CYP46A1: variants seen among roughly 807,000 people sequenced by gnomAD.
CYP46A1 encodes the protein cytochrome P450 family 46 subfamily A member 1, also known as cholesterol 24-hydroxylase.
In CYP46A1, 20 loss-of-function variants were observed where a neutral mutation model predicts 63.3. That is an observed-to-expected ratio of 0.32 (90% CI 0.22 to 0.46). The LOEUF (loss-of-function observed/expected upper bound fraction) is 0.46, where lower values mean the gene tolerates loss of function less well. Among genes scored for constraint, CYP46A1 ranks in the 20% least tolerant of loss-of-function variants. CYP46A1 has a pLI of 1.00. For synonymous variants in CYP46A1, 268 were observed against 273.6 expected, an observed-to-expected ratio of 0.98 and a Z score of 0.20; for missense variants, 445 against 670.8, an observed-to-expected ratio of 0.66 and a Z score of 3.72.
At chr14:99,703,951 G>A (rs1566829608) in intron 5 of CYP46A1, 1 of 909,196 alleles carries the variant, frequency 1.1e-6, no homozygotes, top group Non-Finnish European at 1.3e-6. Context: ...CAAGAGCCAG[G>A]GTTGCAAAGG....
intron 4 of CYP46A1, 112 bp downstream of exon 4, chr14:99,699,651 T>C: frequency 1.7e-6 from 2 of 1,152,594 alleles, no homozygotes; most frequent in Non-Finnish European, 2.6e-6. Context: ...AGGCCCTGGC[T>C]GCCAGGCATG....
chr14:99,714,116 G>C (rs930709687), intron 7 of CYP46A1, among the ~76,000 whole-genome samples: 2 of 152,116 alleles, frequency 1.3e-5, no homozygotes, highest in African/African-American at 4.8e-5. Flanking sequence ...TGGCCAAGAG[G>C]TATATGAAAA....
intron 7 of CYP46A1, among the ~76,000 whole-genome samples, chr14:99,713,865 C>CAAAAA (rs71113218): frequency 1.7e-3 from 114 of 67,482 alleles, no homozygotes; most frequent in East Asian, 2.1e-3. Flanking sequence ...GACTCCATCT[C>CAAAAA]AAAAAAAAAA....
At position 99,691,125 on chromosome 14, in the gene CYP46A1, T is replaced by C. The variant is rs947030654; in HGVS notation, c.164T>C (p.Val55Ala). 16 of 1,614,198 alleles carry C rather than the reference T, an allele frequency of 9.9e-6. No homozygotes were observed. Among genetic ancestry groups the C allele is most frequent in the Non-Finnish European group, 1.4e-5 (16 of 1,180,030 alleles). ...HLPCFWKKDE[V>A]GGRVLQDVFL... ...CCCTGCTTTTGGAAAAAGGATGAGG[T>C]TGGTGGCCGTGTGCTCCAAGATGTG... The change falls in exon 2 of 15, where the codon GTT becomes GCT. Residue 55 changes from valine (V) to alanine (A), a missense_variant. Transcript: ENST00000261835.
intron 11 of CYP46A1, among the ~76,000 whole-genome samples, chr14:99,721,614 C>T (rs1453916883): frequency 6.6e-6 from 1 of 152,108 alleles, no homozygotes; most frequent in Non-Finnish European, 1.5e-5. Flanking sequence ...CTTAAGCTTC[C>T]CCTGGTGGAG....
intron 4 of CYP46A1, 140 bp from the exon 5 acceptor site, chr14:99,699,875 G>T: frequency 1.6e-6 from 1 of 623,494 alleles, no homozygotes. Flanking sequence ...GGAATTCAGT[G>T]CCTTCACAAT....
Position 99,726,683 on chromosome 14 carries a change from C to T in CYP46A1, c.1459C>T (p.Arg487Trp), listed in dbSNP as rs369066335. Residue 487 changes from arginine to tryptophan, a missense_variant, in exon 15 of 15, where the codon CGG becomes TGG. This residue lies in a region of CYP46A1 where 85 missense variants were observed against 80.1 expected (regional missense o/e 1.06). Transcript: ENST00000261835. ...KPLDPVLCTL[R>W]PRGWQPAPPP... ...ACTGGACCCCGTGCTGTGCACCCTG[C>T]GGCCCCGCGGCTGGCAGCCCGCACC... 1.4e-4 allele frequency: 209 copies of T among 1,547,970 alleles called. No individual in the cohort carries two copies. The highest frequency in any genetic ancestry group is 1.7e-4 in the Non-Finnish European group (197 of 1,145,934).
rs1008866266 is a variant in CYP46A1 at position 99,725,174 on chromosome 14, G to A, written c.1177-217G>A. ...AGCCCAGCACAGGATGACGCAGTAC[G>A]CCCAGCTGGCACAGTCAACTGTCCC... is the stretch of plus-strand genomic sequence containing the variant. On this transcript the variant is annotated intron_variant, in intron 12 of 14. Transcript: ENST00000261835. This position sits in a 1 kb window ranked among gnomAD's most constrained non-coding sequence, Gnocchi z 4.2. Among the ~76,000 whole-genome samples the A allele has an allele frequency of 2.6e-5, 4 of 152,050 alleles. No individual in the cohort carries two copies. Among genetic ancestry groups the A allele is most frequent in the Admixed American group, 2.0e-4 (3 of 15,270 alleles).
chr14:99,726,561 A>AG lies in CYP46A1; in HGVS notation c.1339dup (p.Val447GlyfsTer205). ...CATTTTGCCCGCTGGGCCCAGATGG[A>AG]GGTGAAGGTGGTCATGGCAAAGCTG... On this transcript the variant is annotated frameshift_variant, in exon 15 of 15. Transcript: ENST00000261835. LOFTEE classifies it high-confidence loss of function. The AG allele has an allele frequency of 6.3e-7, 1 of 1,581,060 alleles. No homozygotes were observed. Among genetic ancestry groups the AG allele is most frequent in the Non-Finnish European group, 8.6e-7 (1 of 1,164,518 alleles).
intron 3 of CYP46A1, among the ~76,000 whole-genome samples, chr14:99,694,267 G>T (rs1243498335): frequency 6.9e-6 from 1 of 144,822 alleles, no homozygotes; most frequent in African/African-American, 2.5e-5. Flanking sequence ...TAAATTATTG[G>T]CATAAAGTTG....
chr14:99,698,739 G>T (rs1302048955), intron 3 of CYP46A1, among the ~76,000 whole-genome samples: 1 of 152,228 alleles, frequency 6.6e-6, no homozygotes, highest in Non-Finnish European at 1.5e-5. Flanking sequence ...GCTGAGCCCA[G>T]ATCCAAATTG....
At chr14:99,707,757 T>TC (rs2056692323) in intron 7 of CYP46A1, 79 bp downstream of exon 7, 1 of 1,178,400 alleles carries the variant, frequency 8.5e-7, no homozygotes, top group South Asian at 1.5e-5. Context: ...CTTCAGTGAT[T>TC]TTTTTTTTTT....
rs55770955 is a variant in CYP46A1, at chr14:99,722,680, C to T, written c.1176+614C>T. On this transcript the variant is annotated intron_variant, in intron 12 of 14. Transcript: ENST00000261835. This position sits in a 1 kb window ranked among gnomAD's most constrained non-coding sequence, Gnocchi z 4.6. The stretch of plus-strand genomic sequence containing the variant: ...GTGTGTGTGTGTGTGTGTGTGTGTG[C>T]CTGTGTGCATTCACGCAGTAATATA... 3.3e-4 allele frequency among the ~76,000 whole-genome samples: 23 copies of T among 70,220 alleles called. No homozygotes were observed. The highest frequency in any genetic ancestry group is 1.5e-3 in the South Asian group (3 of 2,040). The allele number at this position is 70,220 out of a possible 152,430, so 46.1% of individuals were successfully genotyped here.
Position 99,722,708 on chromosome 14 carries a change from G to A in CYP46A1, c.1176+642G>A, listed in dbSNP as rs2056859894. Among the ~76,000 whole-genome samples the A allele has an allele frequency of 6.8e-6, 1 of 146,714 alleles. No homozygotes were observed. Among genetic ancestry groups the A allele is most frequent in the South Asian group, 2.2e-4 (1 of 4,458 alleles). On this transcript the variant is annotated intron_variant, in intron 12 of 14. Transcript: ENST00000261835. This position sits in a 1 kb window ranked among gnomAD's most constrained non-coding sequence, Gnocchi z 4.6. ...GTGTGCATTCACGCAGTAATATATT[G>A]TAGGACTTGTTTTTTGACTCAGTAT...
At chr14:99,711,850 G>A (rs936557434) in intron 7 of CYP46A1, 17 of 152,024 alleles carry the variant, frequency 1.1e-4, no homozygotes, top group African/African-American at 3.9e-4. Flanking sequence ...ACATGCCAAC[G>A]TCCCTGATGA....
intron 9 of CYP46A1, chr14:99,717,769 C>T (rs898582596): frequency 5.1e-6 from 2 of 395,900 alleles, no homozygotes; most frequent in East Asian, 8.1e-5. Flanking sequence ...AAGGCGAGGC[C>T]TTGGGCTCAC....
intron 7 of CYP46A1, 41 bp from the exon 8 acceptor site, chr14:99,715,769 G>A (rs534640913): frequency 1.2e-6 from 2 of 1,613,696 alleles, no homozygotes; most frequent in African/African-American, 2.7e-5. Flanking sequence ...GAGGGAACAT[G>A]CGTGTTCACT....
At chr14:99,690,980 C>T (rs1197748879) in intron 1 of CYP46A1, 101 bp from the exon 2 acceptor site, 3 of 1,129,220 alleles carry the variant, frequency 2.7e-6, no homozygotes, top group Admixed American at 3.4e-5. Context: ...ATGCCTCGGT[C>T]CTCCTGTCTG....
chr14:99,705,503 G>C (rs2140124095), intron 5 of CYP46A1, among the ~76,000 whole-genome samples: 1 of 152,238 alleles, frequency 6.6e-6, no homozygotes, highest in East Asian at 1.9e-4. Context: ...TGAGCCCCTG[G>C]CCCTGGCCCC....
Sources: allele counts gnomAD v4.1 joint callset (sites outside exome capture counted in the v4.1 genomes callset), GRCh38; gene constraint gnomAD v4.1.1; regional missense constraint gnomAD v4.1.1; non-coding constraint Gnocchi (gnomAD v3.1); transcripts MANE v1.5; gene names NCBI Gene and HGNC (gene_info 2026-07-23, HGNC 2026-07-21).